Variants in CCDC57 observed in about 807,000 individuals in gnomAD.
CCDC57 encodes coiled-coil domain containing 57.
A neutral mutation model predicts 118.9 loss-of-function variants in CCDC57; 118 were observed. The observed-to-expected ratio is 0.99, with a 90% CI of 0.86 to 1.16. The LOEUF is 1.16. Ranked by LOEUF, CCDC57 falls within the 50% of genes most tolerant of loss-of-function variation. The pLI, the probability that CCDC57 is intolerant of heterozygous loss-of-function variation, is 0.00. For missense variants in CCDC57, 1,300 were observed against 1,320.7 expected (o/e 0.98, Z 0.24); for synonymous variants, 527 against 532.9 (o/e 0.99, Z 0.15).
intron 16 of CCDC57, among the ~76,000 whole-genome samples, chr17:82,151,042 C>T (rs1240280947): frequency 1.8e-5 from 2 of 111,014 alleles, no homozygotes; most frequent in African/African-American, 3.4e-5. Flanking sequence ...CTGGCGCACA[C>T]CCAGAACCTG....
chr17:82,133,176 G>C (rs1031445328), intron 17 of CCDC57, among the ~76,000 whole-genome samples: 5 of 152,066 alleles, frequency 3.3e-5, no homozygotes, highest in Non-Finnish European at 7.4e-5. Flanking sequence ...TTCAAGACCA[G>C]CCTGGGCAAC....
At chr17:82,107,616 G>A (rs560325467) in intron 19 of CCDC57, 4 of 470,380 alleles carry the variant, frequency 8.5e-6, no homozygotes, top group South Asian at 6.2e-5. Flanking sequence ...CAGAATGAAT[G>A]GGGCCCTGTT....
At chr17:82,164,815 G>C (rs1164622325) in intron 13 of CCDC57, among the ~76,000 whole-genome samples, 4 of 152,112 alleles carry the variant, frequency 2.6e-5, no homozygotes, top group Non-Finnish European at 5.9e-5. Flanking sequence ...AGGCCCAGCT[G>C]GTTTCAAAGT....
chr17:82,211,365 G>A (rs984279450), intron 1 of CCDC57, among the ~76,000 whole-genome samples: 1 of 152,168 alleles, frequency 6.6e-6, no homozygotes, highest in Non-Finnish European at 1.5e-5. Flanking sequence ...TCATCCATGA[G>A]GTAGCTGCTA....
In CCDC57 at chr17:82,151,568, C is replaced by T. The variant is rs117399102; in HGVS notation, c.2447G>A (p.Arg816Gln). 1.9e-4 allele frequency: 290 copies of T among 1,550,212 alleles called. 4 individuals carry two copies. The East Asian group carries it at 6.1e-3, about 33-fold the overall frequency. ...CCACTTCCCGGACTCACTTTCGGGTCGGCCCAGCTCTGCACGGAGCCTGTT... is the reference window on the plus strand; with the variant it reads ...CCACTTCCCGGACTCACTTTCGGGTTGGCCCAGCTCTGCACGGAGCCTGTT... Residue 816 changes from arginine (R) to glutamine (Q), a missense_variant, in exon 16 of 20, where the codon CGA becomes CAA. By Grantham distance (43) the Arg-to-Gln change is conservative (BLOSUM62 1). Coordinates refer to ENST00000665763, the Ensembl canonical transcript of CCDC57.
At chr17:82,140,082 G>T (rs1447311929) in intron 16 of CCDC57, among the ~76,000 whole-genome samples, 1 of 151,726 alleles carries the variant, frequency 6.6e-6, no homozygotes, top group African/African-American at 2.4e-5. Context: ...GTGATACCTT[G>T]TTTTTTTTGT....
At chr17:82,104,562 G>A (rs1357384961) in intron 19 of CCDC57, among the ~76,000 whole-genome samples, 11 of 151,992 alleles carry the variant, frequency 7.2e-5, no homozygotes, top group Admixed American at 5.9e-4. Context: ...TTTTTGAGAC[G>A]GAGTCTCACT....
intron 15 of CCDC57, chr17:82,157,314 G>T: frequency 2.6e-6 from 1 of 379,512 alleles, no homozygotes; most frequent in Non-Finnish European, 3.9e-6. Context: ...CAGCAGTGAG[G>T]GCCATGTGGG....
At chr17:82,195,274 G>C (rs191938919) in exon 5 of CCDC57, 1 of 1,594,352 alleles carries the variant, frequency 6.3e-7, no homozygotes, top group East Asian at 2.3e-5. Context: ...TTAAGCTCCC[G>C]GGACAAGGCT....
chr17:82,182,351 A>T (rs1599235470), intron 9 of CCDC57, among the ~76,000 whole-genome samples: 1 of 149,420 alleles, frequency 6.7e-6, no homozygotes. Flanking sequence ...CAGCATTGGT[A>T]CTTTTCCTTT....
intron 16 of CCDC57, chr17:82,135,312 G>A (rs970166091): frequency 4.6e-5 from 7 of 152,210 alleles, no homozygotes; most frequent in Admixed American, 4.6e-4. Context: ...ATGTTGGTCA[G>A]GCTGGTCTCG....
At chr17:82,185,361 T>C (rs2146545569) in intron 8 of CCDC57, among the ~76,000 whole-genome samples, 1 of 152,240 alleles carries the variant, frequency 6.6e-6, no homozygotes, top group East Asian at 1.9e-4. Context: ...CTCATGCCTG[T>C]AATGCCAGCA....
rs1330133465 is a variant in CCDC57, at chr17:82,158,023, G to A, written c.2041-75C>T. Reference sequence around the variant, plus strand: ...GGAGCAGGCCCCTGGGCACTGACAGGAAGCGCTGTGAGTGCCGGGAAAGAA... The same window carrying A: ...GGAGCAGGCCCCTGGGCACTGACAGAAAGCGCTGTGAGTGCCGGGAAAGAA... On this transcript the variant is annotated intron_variant, in intron 14 of 19. Coordinates refer to ENST00000665763, the Ensembl canonical transcript of CCDC57. 6.1e-6 allele frequency: 9 copies of A among 1,485,206 alleles called. No homozygotes were observed. The African/African-American group carries it at 1.1e-4, about 19-fold the overall frequency. 92.0% of individuals were successfully genotyped at this position (1,485,206 alleles called of 1,614,324 possible). A position where few individuals can be genotyped will look rare whatever the true frequency, so the allele number is the denominator to read the frequency against.
intron 17 of CCDC57, among the ~76,000 whole-genome samples, chr17:82,129,558 T>A (rs1213584114): frequency 6.6e-6 from 1 of 152,290 alleles, no homozygotes; most frequent in East Asian, 1.9e-4. Context: ...GGAATGCACA[T>A]GCATGAGGTC....
chr17:82,123,696 T>C (rs1048562273), intron 19 of CCDC57, among the ~76,000 whole-genome samples: 1 of 152,016 alleles, frequency 6.6e-6, no homozygotes, highest in African/African-American at 2.4e-5. Context: ...TGTAAAAATA[T>C]TAGAAATCAG....
chr17:82,194,068 C>G, exon 6 of CCDC57: 1 of 1,613,974 alleles, frequency 6.2e-7, no homozygotes, highest in South Asian at 1.1e-5. Flanking sequence ...TGGCCTCTGC[C>G]CTCTGCAGAC....
At chr17:82,195,545 G>A (rs72854705) in intron 4 of CCDC57, among the ~76,000 whole-genome samples, 181 bp from the exon 4 acceptor site, 32,903 of 151,738 alleles carry the variant, frequency 0.22, 3,721 homozygotes, top group African/African-American at 0.26. Context: ...CTGGGAGGCC[G>A]AGGCGGGAGG....
At chr17:82,168,671 C>T (rs567463977) in intron 13 of CCDC57, among the ~76,000 whole-genome samples, 9 of 151,888 alleles carry the variant, frequency 5.9e-5, no homozygotes, top group South Asian at 2.1e-4. Context: ...TTATACCACG[C>T]GAATGCTAAT....
intron 16 of CCDC57, among the ~76,000 whole-genome samples, chr17:82,147,159 G>T (rs532517353): frequency 6.6e-6 from 1 of 152,174 alleles, no homozygotes; most frequent in South Asian, 2.1e-4. Context: ...GTGAGTGAAA[G>T]GATGGATAGG....
Sources: gnomAD v4.1 joint callset for allele counts (sites outside exome capture counted in the v4.1 genomes callset) on GRCh38, gnomAD v4.1.1 for gene constraint, MANE v1.5 for transcripts, NCBI Gene and HGNC (gene_info 2026-07-23, HGNC 2026-07-21) for gene names.